The following SIK3 variants were observed in gnomAD, a reference collection of about 807,000 sequenced individuals.
SIK3 encodes the protein serine/threonine-protein kinase SIK3.
Under a neutral mutation model 144.2 loss-of-function variants are expected in SIK3, and 28 were observed. The observed-to-expected ratio is 0.19, with a 90% CI of 0.14 to 0.27. The LOEUF (loss-of-function observed/expected upper bound fraction) is 0.27, where lower values mean the gene tolerates loss of function less well. Ranked by LOEUF, SIK3 falls within the 10% of genes least tolerant of loss-of-function variation. The pLI, the probability that SIK3 is intolerant of heterozygous loss-of-function variation, is 1.00. For synonymous variants in SIK3, 686 were observed against 676.3 expected, an observed-to-expected ratio of 1.01 and a Z score of -0.22; for missense variants, 1,319 against 1,776.0, an observed-to-expected ratio of 0.74 and a Z score of 4.62.
chr11:117,000,069 T>C (rs932170826), intron 1 of SIK3, among the ~76,000 whole-genome samples: 43 of 152,338 alleles, frequency 2.8e-4, no homozygotes, highest in Middle Eastern at 3.4e-3. Context: ...ATATCTAATA[T>C]TAGATATGTA....
At chr11:116,861,201 G>T (rs1943302943) in intron 19 of SIK3, 73 bp downstream of exon 19, 6 of 1,170,146 alleles carry the variant, frequency 5.1e-6, no homozygotes, top group African/African-American at 1.6e-5. Context: ...GGTTTATGGT[G>T]CTCAAAACTG....
At chr11:117,082,451 AT>A (rs1319201085) in intron 1 of SIK3, among the ~76,000 whole-genome samples, 3 of 152,240 alleles carry the variant, frequency 2.0e-5, no homozygotes, top group Admixed American at 6.5e-5. Context: ...CCATAAAAAA[AT>A]AATGAGATTC....
intron 1 of SIK3, among the ~76,000 whole-genome samples, chr11:116,959,081 G>C (rs1349444051): frequency 6.6e-6 from 1 of 152,214 alleles, no homozygotes; most frequent in Non-Finnish European, 1.5e-5. Context: ...TGTAATCCCA[G>C]CACTTTCGGA....
intron 4 of SIK3, among the ~76,000 whole-genome samples, chr11:116,903,948 T>C (rs1217592101): frequency 6.6e-6 from 1 of 152,226 alleles, no homozygotes; most frequent in African/African-American, 2.4e-5. Flanking sequence ...TTCTATTTAA[T>C]AGGCTTTTTC....
intron 4 of SIK3, among the ~76,000 whole-genome samples, chr11:116,915,153 T>TGTGTGTGTGTGTGTGTGC (rs1182331838): frequency 6.7e-6 from 1 of 149,096 alleles, no homozygotes; most frequent in African/African-American, 2.5e-5. Context: ...TGTGTGTGTG[T>TGTGTGTGTGTGTGTGTGC]GTGTGTGTAT....
chr11:116,875,539 CTA>C (rs1347207010), intron 9 of SIK3, 88 bp from the exon 10 acceptor site: 4 of 1,388,274 alleles, frequency 2.9e-6, no homozygotes, highest in African/African-American at 1.4e-5. Context: ...TTGCTAAAGT[CTA>C]TGTTTCCCTG....
intron 3 of SIK3, among the ~76,000 whole-genome samples, chr11:116,942,440 GGCAC>G (rs1948363886): frequency 6.6e-6 from 1 of 152,088 alleles, no homozygotes; most frequent in African/African-American, 2.4e-5. Context: ...AGTCTTTAAT[GGCAC>G]GTAAATTTTA....
chr11:117,041,858 T>C (rs1168449032), intron 1 of SIK3, among the ~76,000 whole-genome samples: 1 of 152,212 alleles, frequency 6.6e-6, no homozygotes, highest in African/African-American at 2.4e-5. Flanking sequence ...CAAGAAGTAT[T>C]TTCCTTTACT....
At chr11:117,098,078 T>C in intron 1 of SIK3, 65 bp downstream of exon 1, 2 of 1,246,090 alleles carry the variant, frequency 1.6e-6, no homozygotes, top group Non-Finnish European at 2.0e-6. Context: ...ACCCCCCGGC[T>C]GGGGGGCGCG....
At chr11:117,088,457 T>C (rs1470747756) in intron 1 of SIK3, among the ~76,000 whole-genome samples, 1 of 152,146 alleles carries the variant, frequency 6.6e-6, no homozygotes, top group Non-Finnish European at 1.5e-5. Context: ...GAAATTCCAA[T>C]AGTAAAAGTC....
At chr11:116,968,154 GT>G (rs561466981) in intron 1 of SIK3, among the ~76,000 whole-genome samples, 90 of 151,960 alleles carry the variant, frequency 5.9e-4, no homozygotes, top group Non-Finnish European at 1.0e-3. Context: ...TTTTGTTTTT[GT>G]TTTTTGAGAT....
intron 1 of SIK3, among the ~76,000 whole-genome samples, chr11:117,049,977 T>A (rs11826651): frequency 0.17 from 24,833 of 149,572 alleles, 2,157 homozygotes; most frequent in Admixed American, 0.21. Context: ...AAAAATAGGA[T>A]CTTATATTAT....
intron 23 of SIK3, among the ~76,000 whole-genome samples, chr11:116,847,250 G>C (rs1185058387): frequency 6.6e-6 from 1 of 152,230 alleles, no homozygotes; most frequent in Non-Finnish European, 1.5e-5. Context: ...AGAGATGAGA[G>C]ACAGGAATGG....
At chr11:117,089,926 G>C (rs1417210015) in intron 1 of SIK3, among the ~76,000 whole-genome samples, 1 of 152,146 alleles carries the variant, frequency 6.6e-6, no homozygotes, top group Non-Finnish European at 1.5e-5. Context: ...AATACCATCA[G>C]TGTCCAGAGG....
chr11:117,063,381 T>C (rs1022746085), intron 1 of SIK3, among the ~76,000 whole-genome samples: 1 of 152,138 alleles, frequency 6.6e-6, no homozygotes, highest in African/African-American at 2.4e-5. Context: ...CAATACTCTC[T>C]TGGTTTCTCA....
At chr11:117,088,339 T>C (rs1208538735) in intron 1 of SIK3, among the ~76,000 whole-genome samples, 2 of 152,200 alleles carry the variant, frequency 1.3e-5, no homozygotes, top group African/African-American at 4.8e-5. Context: ...GTTTGAGATA[T>C]GCCAAAAATC....
chr11:117,043,981 T>A (rs994842404), intron 1 of SIK3, among the ~76,000 whole-genome samples: 1 of 152,228 alleles, frequency 6.6e-6, no homozygotes. Context: ...CAAATGACCA[T>A]AGCAAATATT....
intron 6 of SIK3, among the ~76,000 whole-genome samples, chr11:116,880,302 CAA>C (rs200871318): frequency 1.0e-4 from 14 of 136,772 alleles, no homozygotes; most frequent in Admixed American, 7.4e-5. Flanking sequence ...GAAAATTCTC[CAA>C]AAAAAAAAAA....
chr11:116,900,499 C>T (rs1945675140), intron 4 of SIK3, among the ~76,000 whole-genome samples: 1 of 152,204 alleles, frequency 6.6e-6, no homozygotes, highest in African/African-American at 2.4e-5. Context: ...GGGCTGCCTC[C>T]CTTCTACTTA....
Sources: gnomAD v4.1 joint callset for allele counts (sites outside exome capture counted in the v4.1 genomes callset) on GRCh38, gnomAD v4.1.1 for gene constraint, MANE v1.5 for transcripts, NCBI Gene and HGNC (gene_info 2026-07-23, HGNC 2026-07-21) for gene names.